PPP3CA: variants seen among roughly 807,000 people sequenced by gnomAD.
PPP3CA encodes the protein protein phosphatase 3 catalytic subunit alpha, also known as CAM-PRP catalytic subunit.
A neutral mutation model predicts 66.5 loss-of-function variants in PPP3CA; 14 were observed. The observed-to-expected ratio is 0.21, with a 90% CI of 0.14 to 0.33. The LOEUF is 0.33. PPP3CA is among the 10% of genes least tolerant of loss of function. The pLI is 1.00. For synonymous variants in PPP3CA, 232 were observed against 226.2 expected, an observed-to-expected ratio of 1.03 and a Z score of -0.23; for missense variants, 317 against 639.5, an observed-to-expected ratio of 0.50 and a Z score of 5.44.
intron 1 of PPP3CA, among the ~76,000 whole-genome samples, chr4:101,202,258 T>C (rs1158378262): frequency 6.6e-6 from 1 of 152,172 alleles, no homozygotes; most frequent in Non-Finnish European, 1.5e-5. Context: ...TTATGAAAAG[T>C]AGAATATGTC....
At position 101,277,041 on chromosome 4, in the gene PPP3CA, C is replaced by G. The variant is rs532957098; in HGVS notation, c.58+69698G>C. ...TTTCAGGTCCTAAAAGTCCCCTGTG[C>G]TCCACCTATTCATCCCTCTTACTCC... On this transcript the variant is annotated intron_variant, in intron 1 of 13. Coordinates refer to ENST00000394854, the MANE Select transcript of PPP3CA (RefSeq NM_000944.5). Among the ~76,000 whole-genome samples the G allele has an allele frequency of 6.6e-5, 10 of 152,244 alleles. No homozygotes were observed. The South Asian group carries it at 1.9e-3, about 28-fold the overall frequency.
chr4:101,241,902 C>T (rs552958375), intron 1 of PPP3CA, among the ~76,000 whole-genome samples: 68 of 152,146 alleles, frequency 4.5e-4, no homozygotes, highest in African/African-American at 1.6e-3. Context: ...CAGTACATGA[C>T]CAAAATAGTA....
intron 2 of PPP3CA, among the ~76,000 whole-genome samples, chr4:101,165,942 G>A (rs1254423867): frequency 1.3e-5 from 2 of 152,096 alleles, no homozygotes; most frequent in African/African-American, 4.8e-5. Flanking sequence ...ATGATCAAAG[G>A]TAGAAGATGG....
intron 1 of PPP3CA, among the ~76,000 whole-genome samples, chr4:101,269,905 G>A (rs1727284335): frequency 6.6e-6 from 1 of 152,090 alleles, no homozygotes; most frequent in African/African-American, 2.4e-5. Flanking sequence ...CCAGGAACAT[G>A]TGAACATTTC....
At chr4:101,312,579 GTTC>G (rs1560712321) in intron 1 of PPP3CA, among the ~76,000 whole-genome samples, 6 of 151,848 alleles carry the variant, frequency 4.0e-5, no homozygotes, top group African/African-American at 1.5e-4. Context: ...CTGAATGGCC[GTTC>G]ATTTTTCAAA....
intron 10 of PPP3CA, among the ~76,000 whole-genome samples, chr4:101,054,323 T>C (rs370440555): frequency 1.4e-4 from 21 of 152,244 alleles, no homozygotes; most frequent in African/African-American, 5.1e-4. Flanking sequence ...TGGGACTTTC[T>C]AAGGTTAAAT....
intron 1 of PPP3CA, among the ~76,000 whole-genome samples, chr4:101,343,866 T>A (rs1200585664): frequency 1.3e-5 from 2 of 152,164 alleles, no homozygotes; most frequent in Non-Finnish European, 2.9e-5. Context: ...AGTCACATCA[T>A]ATTACTACAA....
intron 10 of PPP3CA, among the ~76,000 whole-genome samples, chr4:101,046,773 A>G (rs2110214885): frequency 6.6e-6 from 1 of 152,288 alleles, no homozygotes; most frequent in Admixed American, 6.5e-5. Context: ...TTTGCCAAAC[A>G]GAGCAATTAC....
chr4:101,298,512 C>A (rs1321287343), intron 1 of PPP3CA, among the ~76,000 whole-genome samples: 1 of 152,012 alleles, frequency 6.6e-6, no homozygotes, highest in Admixed American at 6.6e-5. Context: ...CAAGACGAAT[C>A]TCTCCTCTTC....
Position 101,347,043 on chromosome 4 carries a change from T to G in PPP3CA, c.-247A>C, listed in dbSNP as rs1730033317. 1.7e-6 allele frequency: 1 copy of G among 582,710 alleles called. No homozygotes were observed. Among genetic ancestry groups the G allele is most frequent in the African/African-American group, 2.0e-5 (1 of 49,790 alleles). 36.1% of individuals were successfully genotyped at this position (582,710 alleles called of 1,614,324 possible). On this transcript the variant is annotated 5_prime_UTR_variant, in exon 1 of 14. Transcript: ENST00000394854. ...CCAGCCCCGCCGACTCGCTCCGGGC[T>G]GCGCGTGTGTGGTGGTTATTTATTT...
chr4:101,052,369 C>T (rs1023019960), intron 10 of PPP3CA, among the ~76,000 whole-genome samples: 1 of 151,926 alleles, frequency 6.6e-6, no homozygotes, highest in African/African-American at 2.4e-5. Context: ...GTTTTTCAGA[C>T]ATCTTTTAGT....
Position 101,063,243 on chromosome 4 carries a change from A to G in PPP3CA, c.1070T>C (p.Val357Ala). The change falls in exon 9 of 14, where the codon GTT becomes GCT. Residue 357 changes from valine (V) to alanine (A), a missense_variant. Val to Ala is a moderately conservative substitution (Grantham distance 64). This residue lies in a region of PPP3CA where 201 missense variants were observed against 501.4 expected (regional missense o/e 0.40). Transcript: ENST00000394854. Reference protein sequence around the residue: ...MDVFTWSLPFVGEKVTEMLVN... With the variant: ...MDVFTWSLPFAGEKVTEMLVN... ...ATTCCACAACATACCTTTTTCCCCA[A>G]CAAATGGAAGGGACCAAGTAAAAAC... 6 of 1,610,866 alleles carry G rather than the reference A, an allele frequency of 3.7e-6. No homozygotes were observed. Among genetic ancestry groups the G allele is most frequent in the Non-Finnish European group, 5.1e-6 (6 of 1,178,104 alleles).
chr4:101,203,271 C>A (rs984743997), intron 1 of PPP3CA, among the ~76,000 whole-genome samples: 2 of 152,084 alleles, frequency 1.3e-5, no homozygotes, highest in Non-Finnish European at 2.9e-5. Context: ...CCGAGGTGGG[C>A]GGATCACGAG....
chr4:101,341,300 C>A (rs1481813682), intron 1 of PPP3CA, among the ~76,000 whole-genome samples: 1 of 151,342 alleles, frequency 6.6e-6, no homozygotes, highest in African/African-American at 2.4e-5. Context: ...TGTGAGCCAC[C>A]ACACCTGGCC....
At chr4:101,191,678 G>GA (rs1724606730) in intron 2 of PPP3CA, among the ~76,000 whole-genome samples, 1 of 152,202 alleles carries the variant, frequency 6.6e-6, no homozygotes, top group African/African-American at 2.4e-5. Context: ...GGTCCCAGAA[G>GA]ACACCAGATT....
At chr4:101,339,114 T>C (rs995782943) in intron 1 of PPP3CA, among the ~76,000 whole-genome samples, 9 of 152,200 alleles carry the variant, frequency 5.9e-5, no homozygotes, top group African/African-American at 1.9e-4. Flanking sequence ...CAATGACATT[T>C]TGGGGGCCAG....
chr4:101,029,016 C>A, intron 13 of PPP3CA, 150 bp downstream of exon 13: 2 of 630,298 alleles, frequency 3.2e-6, no homozygotes, highest in Admixed American at 2.7e-5. Context: ...ACATTTTCCC[C>A]TTTAAAGCAA....
intron 2 of PPP3CA, 51 bp downstream of exon 2, chr4:101,195,865 T>A (rs1466552255): frequency 1.3e-6 from 2 of 1,523,560 alleles, no homozygotes; most frequent in African/African-American, 1.4e-5. Context: ...TTTCATGCTA[T>A]AAACAACAAA....
At chr4:101,140,643 C>T (rs1376040576) in intron 2 of PPP3CA, among the ~76,000 whole-genome samples, 1 of 152,058 alleles carries the variant, frequency 6.6e-6, no homozygotes, top group East Asian at 1.9e-4. Flanking sequence ...ACTCAAAGTC[C>T]TTTTTTTGAA....
Sources: gnomAD v4.1 joint callset for allele counts (sites outside exome capture counted in the v4.1 genomes callset) on GRCh38, gnomAD v4.1.1 for gene constraint, gnomAD v4.1.1 regional missense constraint, MANE v1.5 for transcripts, NCBI Gene and HGNC (gene_info 2026-07-23, HGNC 2026-07-21) for gene names.